Variants in EXOC2 observed in about 807,000 individuals in gnomAD.
EXOC2 encodes the protein exocyst complex component 2, also known as SEC5-like 1.
EXOC2 carries 70 observed loss-of-function variants against 131.8 expected under a neutral mutation model. That is an observed-to-expected ratio of 0.53 (90% CI 0.44 to 0.65). EXOC2 has a LOEUF of 0.65. Ranked by LOEUF, EXOC2 falls within the 30% of genes least tolerant of loss-of-function variation. EXOC2 has a pLI of 0.00. For missense variants in EXOC2, 923 were observed against 1,108.6 expected, an observed-to-expected ratio of 0.83 and a Z score of 2.38; for synonymous variants, 411 against 398.4, an observed-to-expected ratio of 1.03 and a Z score of -0.38.
chr6:666,664 T>A (rs2762446), intron 1 of EXOC2, among the ~76,000 whole-genome samples: 1 of 94,896 alleles, frequency 1.1e-5, no homozygotes, highest in African/African-American at 3.1e-5. Flanking sequence ...GTGGCACAGC[T>A]GTTACAACTG....
Position 577,099 on chromosome 6 carries a change from T to C in EXOC2, c.1193-217A>G, listed in dbSNP as rs572799978. ...TTGGGTGGTGGTGGGAGGATAATGC[T>C]ATAAACACAAAAAGTAGCAGGAAAA... On this transcript the variant is annotated intron_variant, in intron 11 of 27. Transcript: ENST00000230449. Among the ~76,000 whole-genome samples, 10 of 152,360 alleles carry C rather than the reference T, an allele frequency of 6.6e-5. No homozygotes were observed. In the South Asian group the frequency reaches 2.1e-3, roughly 32 times the overall value.
chr6:632,981 G>T lies in EXOC2; in HGVS notation c.255C>A (p.Thr85=), dbSNP rs374111944. The T allele has an allele frequency of 1.3e-5, 21 of 1,614,034 alleles. No individual in the cohort carries two copies. The African/African-American group carries it at 2.7e-4, about 20-fold the overall frequency. The change falls in exon 3 of 28, where the codon ACC becomes ACA. Residue 85 remains threonine, a synonymous_variant. Transcript: ENST00000230449. ...IVTTKSGGRG[T]STVSFKLLKP... ...TGAGTAGCTTGAAAGAGACTGTTGA[G>T]GTTCCTCTGCCACCTGACTTAGTGG...
chr6:641,503 G>C (rs1393565324), intron 1 of EXOC2, among the ~76,000 whole-genome samples: 9 of 152,200 alleles, frequency 5.9e-5, no homozygotes, highest in African/African-American at 2.2e-4. Flanking sequence ...CCAACCTCCT[G>C]TGGAGAGGCG....
chr6:622,029 C>T (rs2127685451), intron 4 of EXOC2, among the ~76,000 whole-genome samples: 1 of 152,342 alleles, frequency 6.6e-6, no homozygotes, highest in Middle Eastern at 3.4e-3. Flanking sequence ...TGCAGTCCTG[C>T]TCTAACCGGC....
chr6:689,699 A>G (rs138080832), intron 1 of EXOC2, among the ~76,000 whole-genome samples: 126 of 152,364 alleles, frequency 8.3e-4, no homozygotes, highest in African/African-American at 2.8e-3. Context: ...TTTTTAATAT[A>G]TGTGTCAGGC....
intron 23 of EXOC2, among the ~76,000 whole-genome samples, chr6:509,765 C>T (rs963958708): frequency 6.6e-5 from 10 of 152,152 alleles, no homozygotes; most frequent in African/African-American, 1.7e-4. Context: ...GGAAAGACGG[C>T]TCCTTTAAAC....
Position 554,161 on chromosome 6 carries a change from C to T in EXOC2, c.2055-241G>A, listed in dbSNP as rs1757296830. Reference sequence around the variant, plus strand: ...GGTTCAACCCATTCTTCTGCCTCAGCCTCCTGAGTAGCTGGGATTACAGGC... The same window carrying T: ...GGTTCAACCCATTCTTCTGCCTCAGTCTCCTGAGTAGCTGGGATTACAGGC... On this transcript the variant is annotated intron_variant, in intron 20 of 27. Transcript: ENST00000230449. 2.0e-5 allele frequency among the ~76,000 whole-genome samples: 3 copies of T among 152,012 alleles called. No homozygotes were observed. In the South Asian group the frequency reaches 6.2e-4, roughly 32 times the overall value.
In EXOC2 at chr6:690,598, G is replaced by T. The variant is rs1438613751; in HGVS notation, c.-44+2421C>A. Among the ~76,000 whole-genome samples, 2 of 152,196 alleles carry T rather than the reference G, an allele frequency of 1.3e-5. 1 individual carries two copies. Among genetic ancestry groups the T allele is most frequent in the Non-Finnish European group, 2.9e-5 (2 of 68,036 alleles). On this transcript the variant is annotated intron_variant, in intron 1 of 27. Coordinates refer to ENST00000230449, the MANE Select transcript of EXOC2 (RefSeq NM_018303.6). The stretch of plus-strand genomic sequence containing the variant: ...GGCGCCTGTAGTCCCAGCTACTTGG[G>T]AGGCTGAGGCGGCAGAATGGCGTGA...
At chr6:686,559 T>C (rs1405109879) in intron 1 of EXOC2, among the ~76,000 whole-genome samples, 5 of 152,250 alleles carry the variant, frequency 3.3e-5, no homozygotes, top group Middle Eastern at 3.4e-3. Flanking sequence ...GACAAGTATA[T>C]AGGGAATGCC....
chr6:578,148 A>G (rs1043931217), intron 11 of EXOC2, among the ~76,000 whole-genome samples: 2 of 152,210 alleles, frequency 1.3e-5, no homozygotes, highest in Admixed American at 6.5e-5. Flanking sequence ...AGTGACTGAC[A>G]CTAAAAAATA....
chr6:502,440 C>T (rs184781657), intron 23 of EXOC2, among the ~76,000 whole-genome samples: 39 of 152,222 alleles, frequency 2.6e-4, no homozygotes, highest in South Asian at 8.3e-4. Flanking sequence ...TGAAGCCAGG[C>T]GGTGTCACAT....
chr6:658,642 ATTTTATATATATATATATATATATT>A (rs1196983889), intron 1 of EXOC2, among the ~76,000 whole-genome samples: 71 of 112,272 alleles, frequency 6.3e-4, no homozygotes, highest in African/African-American at 2.2e-3. Flanking sequence ...ATATATATAT[ATTTTATATATATATATATATATATT>A]TTTTTTTTTT....
At chr6:576,153 T>C (rs1358070389) in intron 12 of EXOC2, among the ~76,000 whole-genome samples, 2 of 152,230 alleles carry the variant, frequency 1.3e-5, no homozygotes, top group African/African-American at 4.8e-5. Flanking sequence ...GTTTCTTATA[T>C]CTGTTATTGA....
At position 579,232 on chromosome 6, in the gene EXOC2, A is replaced by G. The variant is rs1025691563; in HGVS notation, c.1193-2350T>C. Among the ~76,000 whole-genome samples, 23 of 152,284 alleles carry G rather than the reference A, an allele frequency of 1.5e-4. 1 individual carries two copies. Among genetic ancestry groups the G allele is most frequent in the South Asian group, 4.1e-4 (2 of 4,824 alleles). ...TATAACTGGTATTTTTATAACTTTA[A>G]ATTGTTTAATATTAAACCATTTGTA... On this transcript the variant is annotated intron_variant, in intron 11 of 27. Coordinates refer to ENST00000230449, the MANE Select transcript of EXOC2 (RefSeq NM_018303.6).
At chr6:529,121 C>CG (rs879748452) in intron 23 of EXOC2, among the ~76,000 whole-genome samples, 30 of 142,070 alleles carry the variant, frequency 2.1e-4, no homozygotes, top group Admixed American at 8.3e-4. Context: ...CTTTTACCCC[C>CG]CCCCGCGCCC....
chr6:669,707 A>G (rs1763777293), intron 1 of EXOC2: 1 of 152,492 alleles, frequency 6.6e-6, no homozygotes, highest in South Asian at 2.1e-4. Flanking sequence ...GGGATCAGCT[A>G]AGGAAAGGAC....
chr6:485,341 T>G lies in EXOC2; in HGVS notation c.*1330A>C, dbSNP rs1205229301. On this transcript the variant is annotated 3_prime_UTR_variant, in exon 28 of 28. Transcript: ENST00000230449. ...TGAAAGATTAAACTTTCATTTCCAG[T>G]TACCATGATGTCCCCCCATACACCA... 1 of 152,234 alleles carries G rather than the reference T, an allele frequency of 6.6e-6. No individual in the cohort carries two copies. The highest frequency in any genetic ancestry group is 1.5e-5 in the Non-Finnish European group (1 of 68,050). The allele number at this position is 152,234 out of a possible 1,614,324, so 9.4% of individuals were successfully genotyped here.
At chr6:509,021 T>C (rs1394389857) in intron 23 of EXOC2, among the ~76,000 whole-genome samples, 1 of 152,256 alleles carries the variant, frequency 6.6e-6, no homozygotes, top group East Asian at 1.9e-4. Flanking sequence ...AATTCCCTAA[T>C]GACACACAAT....
intron 26 of EXOC2, among the ~76,000 whole-genome samples, chr6:489,770 G>C (rs993189607): frequency 1.3e-5 from 2 of 152,190 alleles, no homozygotes; most frequent in African/African-American, 4.8e-5. Flanking sequence ...TGCAATTCTT[G>C]ACTTTAGGGG....
Sources: gnomAD v4.1 joint callset for allele counts (sites outside exome capture counted in the v4.1 genomes callset) on GRCh38, gnomAD v4.1.1 for gene constraint, MANE v1.5 for transcripts, NCBI Gene and HGNC (gene_info 2026-07-23, HGNC 2026-07-21) for gene names.